Variants in GLG1 observed in about 807,000 individuals in gnomAD.
GLG1 encodes the protein golgi glycoprotein 1.
Under a neutral mutation model 160.5 loss-of-function variants are expected in GLG1, and 38 were observed. The observed-to-expected ratio is 0.24, with a 90% confidence interval of 0.18 to 0.31. The LOEUF is 0.31. Among genes scored for constraint, GLG1 ranks in the 10% least tolerant of loss-of-function variants. The probability of loss-of-function intolerance (pLI) is 1.00; values close to 1 mark genes in which losing one functional copy is unlikely to be tolerated. For missense variants in GLG1, 1,373 were observed against 1,505.2 expected (o/e 0.91, Z 1.45); for synonymous variants, 644 against 543.4 (o/e 1.19, Z -2.57).
chr16:74,539,054 A>T (rs1289232972), intron 1 of GLG1, among the ~76,000 whole-genome samples: 1 of 151,228 alleles, frequency 6.6e-6, no homozygotes, highest in East Asian at 2.0e-4. Flanking sequence ...GAAAAGGCAC[A>T]TTCTGTGCCG....
intron 18 of GLG1, 41 bp from the exon 19 acceptor site, chr16:74,465,854 GACTGCTCATCCATGTGTTCTGATTGAA>G: frequency 6.3e-7 from 1 of 1,579,806 alleles, no homozygotes; most frequent in Non-Finnish European, 8.7e-7. Flanking sequence ...AGATGTCAGA[GACTGCTCATCCATGTGTTCTGATTGAA>G]ACATTCAGCT....
intron 2 of GLG1, among the ~76,000 whole-genome samples, chr16:74,511,585 T>TAAAA (rs1172903763): frequency 1.4e-4 from 12 of 85,282 alleles, no homozygotes; most frequent in South Asian, 7.8e-4. Flanking sequence ...CTTTTTTTTT[T>TAAAA]AAAAAAAAAA....
At chr16:74,531,195 C>T (rs2017520346) in intron 2 of GLG1, among the ~76,000 whole-genome samples, 1 of 152,020 alleles carries the variant, frequency 6.6e-6, no homozygotes, top group African/African-American at 2.4e-5. Flanking sequence ...AAGTAGTTAA[C>T]CTAAATAGCC....
intron 22 of GLG1, chr16:74,461,462 C>A (rs1461732460): frequency 8.2e-6 from 1 of 122,026 alleles, no homozygotes; most frequent in African/African-American, 3.0e-5. Flanking sequence ...CCACCTCGCC[C>A]GGGCTTTTTT....
At chr16:74,529,656 T>C (rs2143597290) in intron 2 of GLG1, among the ~76,000 whole-genome samples, 1 of 152,220 alleles carries the variant, frequency 6.6e-6, no homozygotes, top group South Asian at 2.1e-4. Flanking sequence ...TATGAATGGC[T>C]ATATTATAGA....
intron 19 of GLG1, among the ~76,000 whole-genome samples, chr16:74,463,732 T>TGTTG (rs1555507088): frequency 7.3e-5 from 11 of 151,244 alleles, no homozygotes; most frequent in African/African-American, 2.4e-4. Context: ...TTGTGTTTTT[T>TGTTG]TTGTTGTTGT....
intron 2 of GLG1, among the ~76,000 whole-genome samples, chr16:74,519,564 T>TG (rs1555512556): frequency 9.5e-4 from 11 of 11,614 alleles, no homozygotes; most frequent in South Asian, 8.3e-3. Context: ...TACTGGTTTT[T>TG]GAAAAAAAAA....
Position 74,459,670 on chromosome 16 carries a change from G to T in GLG1, c.3144+12C>A. The stretch of plus-strand genomic sequence containing the variant: ...AGAAATGAAGTGAGGAAAAGAAGGT[G>T]ACGGTGGTTACCTTTTTACACAATT... On this transcript the variant is annotated intron_variant, in intron 23 of 25. Transcript: ENST00000422840. 3.2e-6 allele frequency: 4 copies of T among 1,250,522 alleles called. No individual in the cohort carries two copies. The highest frequency in any genetic ancestry group is 1.5e-5 in the African/African-American group (1 of 66,706). The allele number at this position is 1,250,522 out of a possible 1,614,324, so 77.5% of individuals were successfully genotyped here.
intron 2 of GLG1, among the ~76,000 whole-genome samples, chr16:74,523,044 C>T (rs2017220184): frequency 6.6e-6 from 1 of 152,104 alleles, no homozygotes. Flanking sequence ...TTGCTTTATA[C>T]TTAGTGCTTT....
chr16:74,529,237 G>A (rs1197734374), intron 2 of GLG1, among the ~76,000 whole-genome samples: 1 of 152,002 alleles, frequency 6.6e-6, no homozygotes, highest in Non-Finnish European at 1.5e-5. Context: ...CCAAGGTGCT[G>A]GGATTACAGG....
At chr16:74,568,059 AAAC>A (rs1209021549) in intron 1 of GLG1, among the ~76,000 whole-genome samples, 2 of 152,346 alleles carry the variant, frequency 1.3e-5, no homozygotes, top group East Asian at 3.9e-4. Flanking sequence ...AGACAATGAC[AAAC>A]AATACAACAT....
At chr16:74,469,894 C>T in intron 16 of GLG1, 91 bp downstream of exon 16, 1 of 840,886 alleles carries the variant, frequency 1.2e-6, no homozygotes, top group South Asian at 1.3e-5. Context: ...CCCCACGAGG[C>T]AGCAGGAGGG....
chr16:74,487,435 G>GA (rs77396645), intron 8 of GLG1, among the ~76,000 whole-genome samples: 12,544 of 151,752 alleles, frequency 0.083, 881 homozygotes, highest in East Asian at 0.39. Flanking sequence ...GGAAATAAAG[G>GA]AAAAAACCAC....
At chr16:74,572,165 G>T (rs1408317934) in intron 1 of GLG1, among the ~76,000 whole-genome samples, 1 of 152,196 alleles carries the variant, frequency 6.6e-6, no homozygotes, top group Non-Finnish European at 1.5e-5. Flanking sequence ...GGGGCTGAAG[G>T]TTAAGTTGAT....
intron 2 of GLG1, among the ~76,000 whole-genome samples, chr16:74,520,693 G>A (rs2017136131): frequency 6.6e-6 from 1 of 152,152 alleles, no homozygotes; most frequent in East Asian, 1.9e-4. Flanking sequence ...TGGAAGAACT[G>A]CATGCCAGAA....
chr16:74,570,620 G>T (rs1453506470), intron 1 of GLG1, among the ~76,000 whole-genome samples: 1 of 152,158 alleles, frequency 6.6e-6, no homozygotes, highest in African/African-American at 2.4e-5. Flanking sequence ...GTCAGGCCAG[G>T]CACAGTGGCT....
At chr16:74,459,656 G>T in intron 23 of GLG1, 26 bp downstream of exon 23, 8 of 1,083,418 alleles carry the variant, frequency 7.4e-6, no homozygotes, top group East Asian at 2.4e-5. Context: ...GAAATGAAGT[G>T]AGGAAAAGAA....
chr16:74,600,588 C>T (rs1214084843), intron 1 of GLG1, among the ~76,000 whole-genome samples: 2 of 149,172 alleles, frequency 1.3e-5, no homozygotes, highest in South Asian at 2.1e-4. Context: ...AAAAATTAGC[C>T]GGGTGTGGTA....
chr16:74,453,131 A>C lies in GLG1; in HGVS notation c.*36T>G. On this transcript the variant is annotated 3_prime_UTR_variant, in exon 26 of 26. Transcript: ENST00000422840. ...TACAAGAGGGCTGTACAAACTGGGC[A>C]CTGGATAGGTAGTTCCTTTGGTGGT... 1.2e-6 allele frequency: 2 copies of C among 1,605,662 alleles called. No individual in the cohort carries two copies. Among genetic ancestry groups the C allele is most frequent in the Non-Finnish European group, 1.7e-6 (2 of 1,175,470 alleles).
Sources: allele counts gnomAD v4.1 joint callset (sites outside exome capture counted in the v4.1 genomes callset), GRCh38; gene constraint gnomAD v4.1.1; transcripts MANE v1.5; gene names NCBI Gene and HGNC (gene_info 2026-07-23, HGNC 2026-07-21).